Variants in SRGAP3 observed in about 807,000 individuals in gnomAD.
SRGAP3 encodes the protein SLIT-ROBO Rho GTPase activating protein 3, also known as SLIT-ROBO Rho GTPase-activating protein 3.
SRGAP3 carries 39 observed loss-of-function variants against 121.1 expected under a neutral mutation model. The ratio of observed to expected loss-of-function variants is 0.32; its 90% confidence interval spans 0.25 to 0.42. The LOEUF (loss-of-function observed/expected upper bound fraction) is 0.42, where lower values mean the gene tolerates loss of function less well. Among genes scored for constraint, SRGAP3 ranks in the 10% least tolerant of loss-of-function variants. SRGAP3 has a pLI of 1.00. For synonymous variants in SRGAP3, 601 were observed against 570.0 expected (o/e 1.05, Z -0.77); for missense variants, 1,213 against 1,470.6 (o/e 0.82, Z 2.86).
At position 9,060,222 on chromosome 3, in the gene SRGAP3, G is replaced by A. The variant is rs1489257466; in HGVS notation, c.801+9C>T. ...CCCTGCTCAGTCCCAGACTCCCCAG[G>A]GAGCTCACATCGATCAGATCAGAGA... is the stretch of plus-strand genomic sequence containing the variant. On this transcript the variant is annotated intron_variant, in intron 6 of 21. Transcript: ENST00000383836. The A allele has an allele frequency of 5.6e-6, 9 of 1,613,902 alleles. No homozygotes were observed. The highest frequency in any genetic ancestry group is 7.6e-6 in the Non-Finnish European group (9 of 1,179,894).
At chr3:9,301,479 G>C (rs1195327511) in intron 3 of SRGAP3, among the ~76,000 whole-genome samples, 2 of 152,226 alleles carry the variant, frequency 1.3e-5, no homozygotes, top group Admixed American at 1.3e-4. Flanking sequence ...ACTTTGCAGG[G>C]GAGCAGGGAG....
At chr3:9,296,269 G>A (rs1468667907) in intron 3 of SRGAP3, among the ~76,000 whole-genome samples, 1 of 152,170 alleles carries the variant, frequency 6.6e-6, no homozygotes, top group African/African-American at 2.4e-5. Context: ...CAATGCGCAA[G>A]GGTTCCAGTT....
chr3:9,163,544 C>T (rs544896304), intron 1 of SRGAP3, among the ~76,000 whole-genome samples: 104 of 152,248 alleles, frequency 6.8e-4, no homozygotes, highest in African/African-American at 2.0e-3. Context: ...TTAAGCCATG[C>T]GGCCACTCAG....
Position 9,060,257 on chromosome 3 carries a change from T to C in SRGAP3, c.775A>G (p.Ile259Val). 1 of 1,614,040 alleles carries C rather than the reference T, an allele frequency of 6.2e-7. No individual in the cohort carries two copies. The highest frequency in any genetic ancestry group is 8.5e-7 in the Non-Finnish European group (1 of 1,179,986). ...TCGATCAGATCAGAGACATCATGGATGTAGTATTTGCTTATAGCTGCGTTG... is the reference window on the plus strand; with the variant it reads ...TCGATCAGATCAGAGACATCATGGACGTAGTATTTGCTTATAGCTGCGTTG... ...ATNAAISKYYIHDVSDLIDCC... is the reference protein window; with the variant it reads ...ATNAAISKYYVHDVSDLIDCC... Residue 259 changes from isoleucine (I) to valine (V), a missense_variant, in exon 6 of 22, where the codon ATC becomes GTC. Coordinates refer to ENST00000383836, the MANE Select transcript of SRGAP3 (RefSeq NM_014850.4).
rs143792332 is a variant in SRGAP3 at position 9,350,932 on chromosome 3, G to A, written n.214+11908C>T. ...GTGATTTATTATTTCTTGTCATCCC[G>A]GGGGTTGGCAGGTGAGTTCTGGGCT... On this transcript the variant is annotated intron_variant and non_coding_transcript_variant, in intron 1 of 3. Coordinates refer to the SRGAP3 transcript ENST00000490889. Among the ~76,000 whole-genome samples the A allele has an allele frequency of 1.5e-4, 23 of 152,252 alleles. No individual in the cohort carries two copies. The East Asian group carries it at 2.9e-3, about 19-fold the overall frequency.
At chr3:9,206,015 T>C (rs1335041659) in intron 1 of SRGAP3, among the ~76,000 whole-genome samples, 1 of 152,086 alleles carries the variant, frequency 6.6e-6, no homozygotes, top group Non-Finnish European at 1.5e-5. Context: ...AGAGTTTCAT[T>C]TGGGGAAGAT....
At chr3:9,075,197 A>C (rs752635519) in intron 4 of SRGAP3, among the ~76,000 whole-genome samples, 6 of 152,030 alleles carry the variant, frequency 3.9e-5, no homozygotes, top group Non-Finnish European at 8.8e-5. Flanking sequence ...TTTTTCTCCC[A>C]GGCCAATACA....
chr3:8,981,126 GAGGGCTTGGACCTGACAGCAA>G lies in SRGAP3; in HGVS notation c.*4372_*4392del, dbSNP rs1272117776. On this transcript the variant is annotated 3_prime_UTR_variant, in exon 22 of 22. Transcript: ENST00000383836. ...GGCAGATCAATCTCAGGGAGGTCAGGAGGGCTTGGACCTGACAGCAAAGTCCCTTCTCTCGGCTCCCCTGGG... is the reference window on the plus strand; with the variant it reads ...GGCAGATCAATCTCAGGGAGGTCAGGAGTCCCTTCTCTCGGCTCCCCTGGG... 1 of 233,146 alleles carries G rather than the reference GAGGGCTTGGACCTGACAGCAA, an allele frequency of 4.3e-6. No homozygotes were observed. Among genetic ancestry groups the G allele is most frequent in the Non-Finnish European group, 8.5e-6 (1 of 118,088 alleles). 14.4% of individuals were successfully genotyped at this position (233,146 alleles called of 1,614,324 possible). A position where few individuals can be genotyped will look rare whatever the true frequency, so the allele number is the denominator to read the frequency against.
intron 1 of SRGAP3, among the ~76,000 whole-genome samples, chr3:9,198,490 T>A (rs1656994044): frequency 6.6e-6 from 1 of 152,216 alleles, no homozygotes; most frequent in Non-Finnish European, 1.5e-5. Flanking sequence ...ACAATCTACC[T>A]AGCATTCAGT....
intron 2 of SRGAP3, 123 bp from the exon 3 acceptor site, chr3:9,104,965 T>TTCCCCAACTGTATAAGGTGTA: frequency 8.6e-7 from 1 of 1,160,046 alleles, no homozygotes; most frequent in Non-Finnish European, 1.3e-6. Context: ...GTCTTGTTGT[T>TTCCCCAACTGTATAAGGTGTA]ACACCTTATA....
intron 3 of SRGAP3, among the ~76,000 whole-genome samples, chr3:9,280,290 G>C (rs541260513): frequency 6.6e-6 from 1 of 152,216 alleles, no homozygotes; most frequent in Non-Finnish European, 1.5e-5. Context: ...TGATAGCTTC[G>C]AAAGCAGAGT....
At chr3:9,166,011 A>G (rs1340338998) in intron 1 of SRGAP3, among the ~76,000 whole-genome samples, 1 of 152,234 alleles carries the variant, frequency 6.6e-6, no homozygotes, top group Non-Finnish European at 1.5e-5. Flanking sequence ...TATCGCCATC[A>G]ATCAATACTT....
intron 3 of SRGAP3, among the ~76,000 whole-genome samples, chr3:9,261,873 A>AT (rs1358930282): frequency 6.0e-4 from 54 of 90,292 alleles, no homozygotes; most frequent in Non-Finnish European, 1.1e-3. Context: ...CTCCTCATAT[A>AT]TTTAAAAAAA....
chr3:9,180,806 A>G (rs1951368482), intron 1 of SRGAP3, among the ~76,000 whole-genome samples: 1 of 152,100 alleles, frequency 6.6e-6, no homozygotes, highest in African/African-American at 2.4e-5. Flanking sequence ...TGAACATGGC[A>G]TCAGGAGGCA....
At chr3:9,042,037 G>C (rs963339751) in intron 10 of SRGAP3, among the ~76,000 whole-genome samples, 1 of 149,826 alleles carries the variant, frequency 6.7e-6, no homozygotes, top group South Asian at 2.1e-4. Context: ...GGAGTTGGAG[G>C]TTACAATAAG....
At chr3:9,021,814 G>C (rs1441171584) in intron 14 of SRGAP3, among the ~76,000 whole-genome samples, 3 of 152,232 alleles carry the variant, frequency 2.0e-5, no homozygotes, top group African/African-American at 7.2e-5. Context: ...AAAAGGCTGG[G>C]GGCAGTGGCT....
chr3:9,204,245 G>A (rs892461854), intron 1 of SRGAP3, among the ~76,000 whole-genome samples: 1 of 152,258 alleles, frequency 6.6e-6, no homozygotes, highest in South Asian at 2.1e-4. Context: ...GGAGAAGGCA[G>A]AGGGCCTGCC....
intron 5 of SRGAP3, among the ~76,000 whole-genome samples, chr3:9,063,305 T>C (rs1337840889): frequency 1.3e-5 from 2 of 151,868 alleles, no homozygotes; most frequent in Non-Finnish European, 2.9e-5. Flanking sequence ...ATTTTTCTAT[T>C]TTTTGTAGAG....
chr3:8,989,281 G>A (rs58018567), intron 21 of SRGAP3, among the ~76,000 whole-genome samples: 1,850 of 152,342 alleles, frequency 0.012, 29 homozygotes, highest in African/African-American at 0.041. Flanking sequence ...CTAGGGTGAT[G>A]TTTCCTCAAG....
Sources: gnomAD v4.1 joint callset for allele counts (sites outside exome capture counted in the v4.1 genomes callset) on GRCh38, gnomAD v4.1.1 for gene constraint, MANE v1.5 for transcripts, NCBI Gene and HGNC (gene_info 2026-07-23, HGNC 2026-07-21) for gene names.